Variants in SYN3 observed in about 807,000 individuals in gnomAD.
The protein encoded by SYN3 is synapsin-3.
SYN3 carries 35 observed loss-of-function variants against 65.8 expected under a neutral mutation model. The ratio of observed to expected loss-of-function variants is 0.53; its 90% CI spans 0.41 to 0.70. The LOEUF is 0.70. Ranked by LOEUF, SYN3 falls within the 30% of genes least tolerant of loss-of-function variation. The pLI, the probability that SYN3 is intolerant of heterozygous loss-of-function variation, is 0.00. For synonymous variants in SYN3, 270 were observed against 292.9 expected (o/e 0.92, Z 0.80); for missense variants, 680 against 749.0 (o/e 0.91, Z 1.08).
At chr22:32,691,163 C>A (rs1337903662) in intron 6 of SYN3, among the ~76,000 whole-genome samples, 1 of 152,146 alleles carries the variant, frequency 6.6e-6, no homozygotes, top group Non-Finnish European at 1.5e-5. Context: ...AGAAACTGAC[C>A]AGTGGCCTTG....
At chr22:32,858,708 T>A (rs1232646160) in intron 6 of SYN3, among the ~76,000 whole-genome samples, 2 of 152,154 alleles carry the variant, frequency 1.3e-5, no homozygotes, top group African/African-American at 4.8e-5. Context: ...ATTACTATGA[T>A]CTCCATTCTG....
chr22:32,804,707 T>C (rs2046679196), intron 6 of SYN3, among the ~76,000 whole-genome samples: 1 of 151,796 alleles, frequency 6.6e-6, no homozygotes, highest in Non-Finnish European at 1.5e-5. Flanking sequence ...GGAGGAGGAG[T>C]TAAAAGGTGT....
chr22:32,613,728 G>C (rs999442995), intron 6 of SYN3, among the ~76,000 whole-genome samples: 36 of 152,168 alleles, frequency 2.4e-4, no homozygotes, highest in African/African-American at 8.4e-4. Flanking sequence ...TCATTATTAC[G>C]TATTGACTGA....
intron 1 of SYN3, among the ~76,000 whole-genome samples, chr22:33,046,444 G>T (rs2054065754): frequency 6.6e-6 from 1 of 152,202 alleles, no homozygotes; most frequent in African/African-American, 2.4e-5. Context: ...ACCTGGCTGT[G>T]TGCAGTGGCT....
chr22:33,054,964 C>A (rs1320449947), intron 1 of SYN3, among the ~76,000 whole-genome samples: 2 of 152,148 alleles, frequency 1.3e-5, no homozygotes, highest in African/African-American at 4.8e-5. Flanking sequence ...GAGCTCAAAC[C>A]CTTTTACTTT....
chr22:32,912,541 C>T (rs1470366798), intron 4 of SYN3, among the ~76,000 whole-genome samples: 3 of 151,910 alleles, frequency 2.0e-5, no homozygotes, highest in South Asian at 4.2e-4. Flanking sequence ...CATAGTGAGA[C>T]CCCCCCATCT....
rs181620929 is a variant in SYN3 at position 32,768,843 on chromosome 22, G to T, written c.711+96072C>A. Among the ~76,000 whole-genome samples, 6 of 152,228 alleles carry T rather than the reference G, an allele frequency of 3.9e-5. No homozygotes were observed. The East Asian group carries it at 1.2e-3, about 29-fold the overall frequency. ...TCTCCTCTAGATTCTCAGTGACGAT[G>T]ATTTTGTTTCAAATTTCATTGAAAA... On this transcript the variant is annotated intron_variant, in intron 6 of 13. Transcript: ENST00000358763.
chr22:32,936,735 G>T (rs2050787274), intron 3 of SYN3, among the ~76,000 whole-genome samples: 1 of 152,124 alleles, frequency 6.6e-6, no homozygotes, highest in Non-Finnish European at 1.5e-5. Flanking sequence ...AATTATCCCT[G>T]GCCAACAGCA....
Position 32,801,838 on chromosome 22 carries a change from C to A in SYN3, c.711+63077G>T. 2.3e-6 allele frequency: 2 copies of A among 870,008 alleles called. No individual in the cohort carries two copies. The highest frequency in any genetic ancestry group is 3.0e-6 in the Non-Finnish European group (2 of 670,268). 53.9% of individuals were successfully genotyped at this position (870,008 alleles called of 1,614,324 possible). ...GCGCCGAGGCAGCCTCGCTGCGCCC[C>A]ATCCCGTCCCGCCGGGCACTCGGAG... is the stretch of plus-strand genomic sequence containing the variant. On this transcript the variant is annotated intron_variant, in intron 6 of 13. Coordinates refer to ENST00000358763, the MANE Select transcript of SYN3 (RefSeq NM_003490.4). The surrounding 1 kb of genome is among the most constrained non-coding windows in gnomAD (Gnocchi z 4.7).
chr22:32,857,275 C>G (rs2048396503), intron 6 of SYN3: 1 of 1,614,068 alleles, frequency 6.2e-7, no homozygotes, highest in Non-Finnish European at 8.5e-7. Context: ...CCAAGATGCC[C>G]CATGTGCAGT....
chr22:32,944,798 T>A (rs1036635135), intron 3 of SYN3, among the ~76,000 whole-genome samples: 2 of 152,128 alleles, frequency 1.3e-5, no homozygotes, highest in Non-Finnish European at 2.9e-5. Context: ...GAAAACCCCA[T>A]CGTCTCAGCC....
At chr22:32,683,438 T>G (rs1279673846) in intron 6 of SYN3, among the ~76,000 whole-genome samples, 29 of 152,254 alleles carry the variant, frequency 1.9e-4, no homozygotes, top group African/African-American at 7.0e-4. Context: ...GCTTGTTTCT[T>G]AGGGCTCCTG....
chr22:32,526,761 C>T (rs1005670362), intron 12 of SYN3, among the ~76,000 whole-genome samples: 8 of 152,226 alleles, frequency 5.3e-5, no homozygotes, highest in South Asian at 2.1e-4. Context: ...CCTCGTGATC[C>T]GCCCGCCTCG....
chr22:32,668,159 A>G (rs2060315983), intron 6 of SYN3, among the ~76,000 whole-genome samples: 1 of 152,212 alleles, frequency 6.6e-6, no homozygotes, highest in African/African-American at 2.4e-5. Context: ...TACCACAAGG[A>G]GTGATATAAA....
At chr22:33,005,378 T>C (rs1463913583) in intron 2 of SYN3, among the ~76,000 whole-genome samples, 1 of 152,232 alleles carries the variant, frequency 6.6e-6, no homozygotes, top group Non-Finnish European at 1.5e-5. Flanking sequence ...CTTCCTGAAC[T>C]GCAATTTCTA....
At chr22:33,021,692 C>T (rs1175822552) in intron 1 of SYN3, among the ~76,000 whole-genome samples, 1 of 152,180 alleles carries the variant, frequency 6.6e-6, no homozygotes, top group Non-Finnish European at 1.5e-5. Context: ...GTGAAGCCTC[C>T]CCTCTGACTG....
chr22:32,729,353 T>G (rs2061240257), intron 6 of SYN3, among the ~76,000 whole-genome samples: 1 of 152,226 alleles, frequency 6.6e-6, no homozygotes. Flanking sequence ...GTTGACTCCA[T>G]GTGGATGATG....
At chr22:32,556,834 T>TTTTTTG (rs1569035464) in intron 7 of SYN3, among the ~76,000 whole-genome samples, 2 of 129,312 alleles carry the variant, frequency 1.5e-5, no homozygotes, top group Admixed American at 8.2e-5. Context: ...TTTTTTTTTT[T>TTTTTTG]TGTGTGTAGA....
chr22:32,796,031 C>G (rs942180943), intron 6 of SYN3, among the ~76,000 whole-genome samples: 9 of 152,138 alleles, frequency 5.9e-5, no homozygotes, highest in African/African-American at 2.2e-4. Flanking sequence ...CTGTGTGAAG[C>G]TGAGCATGCA....
Sources: allele counts gnomAD v4.1 joint callset (sites outside exome capture counted in the v4.1 genomes callset), GRCh38; gene constraint gnomAD v4.1.1; non-coding constraint Gnocchi (gnomAD v3.1); transcripts MANE v1.5; gene names NCBI Gene and HGNC (gene_info 2026-07-23, HGNC 2026-07-21).